Variants in UGT1A4 observed in about 807,000 individuals in gnomAD.
UGT1A4 encodes the protein UDP-glucuronosyltransferase 1A4.
Under a neutral mutation model 41.1 loss-of-function variants are expected in UGT1A4, and 32 were observed. That is an observed-to-expected ratio of 0.78 (90% CI 0.59 to 1.05). The LOEUF is 1.05. Among genes scored for constraint, UGT1A4 ranks in the 50% least tolerant of loss-of-function variants. The probability of loss-of-function intolerance (pLI) is 0.00; values close to 1 mark genes in which losing one functional copy is unlikely to be tolerated. For missense variants in UGT1A4, 748 were observed against 677.4 expected (o/e 1.10, Z -1.16); for synonymous variants, 283 against 265.1 (o/e 1.07, Z -0.66).
Position 233,767,868 on chromosome 2 carries a change from G to A in UGT1A4, c.1019G>A (p.Gly340Glu). 6.2e-7 allele frequency: 1 copy of A among 1,614,124 alleles called. No individual in the cohort carries two copies. The change falls in exon 3 of 5, where the codon GGA (glycine) becomes GAA (glutamate). Residue 340 changes from glycine to glutamate, a missense_variant. Physicochemically the swap from Gly to Glu is moderately conservative, Grantham distance 98 (BLOSUM62 -2). Coordinates refer to ENST00000373409, the MANE Select transcript of UGT1A4 (RefSeq NM_007120.3). ...TCCCAGGTCCTGTGGCGGTACACTG[G>A]AACCCGACCATCGAATCTTGCGAAC... ...IPQTVLWRYTGTRPSNLANNT... is the reference protein window; with the variant it reads ...IPQTVLWRYTETRPSNLANNT...
chr2:233,724,960 GCCGAGGTTGGCGGAT>G (rs567349076), intron 1 of UGT1A4, among the ~76,000 whole-genome samples: 4,803 of 144,840 alleles, frequency 0.033, 234 homozygotes, highest in African/African-American at 0.051. Context: ...ACCTCGGGAG[GCCGAGGTTGGCGGAT>G]CACTCGCGGT....
At chr2:233,747,116 TG>T (rs1693565638) in intron 1 of UGT1A4, 1 of 1,446,720 alleles carries the variant, frequency 6.9e-7, no homozygotes, top group African/African-American at 1.4e-5. Context: ...CATGATGATT[TG>T]CTAAGTGGCT....
At position 233,724,792 on chromosome 2, in the gene UGT1A4, G is replaced by C. The variant is rs992945436; in HGVS notation, c.867+5105G>C. ...CAGAGACACTCCTCACTTCCCAGAC[G>C]GGGTGGCGGCCGGGCAGAGGCTGCA... On this transcript the variant is annotated intron_variant, in intron 1 of 4. Coordinates refer to ENST00000373409, the MANE Select transcript of UGT1A4 (RefSeq NM_007120.3). Among the ~76,000 whole-genome samples, 142 of 140,766 alleles carry C rather than the reference G, an allele frequency of 1.0e-3. 5 individuals are homozygous for C. Among genetic ancestry groups the C allele is most frequent in the African/African-American group, 3.7e-3 (136 of 36,304 alleles). 92.3% of individuals were successfully genotyped at this position (140,766 alleles called of 152,430 possible).
intron 1 of UGT1A4, among the ~76,000 whole-genome samples, chr2:233,745,005 A>G (rs1189988608): frequency 6.6e-6 from 1 of 151,852 alleles, no homozygotes; most frequent in Non-Finnish European, 1.5e-5. Context: ...CTTTTACCTA[A>G]TAAATGTAAA....
chr2:233,735,219 T>G (rs1349774730), intron 1 of UGT1A4, among the ~76,000 whole-genome samples: 1 of 152,194 alleles, frequency 6.6e-6, no homozygotes, highest in Admixed American at 6.5e-5. Flanking sequence ...GCATATATAT[T>G]TAGGATAGTT....
chr2:233,749,380 T>C (rs1225630422), intron 1 of UGT1A4, among the ~76,000 whole-genome samples: 2 of 151,870 alleles, frequency 1.3e-5, no homozygotes, highest in African/African-American at 4.9e-5. Context: ...TTCTTCCAGT[T>C]TTTCAATGTG....
At chr2:233,755,293 G>C in intron 1 of UGT1A4, 7 of 641,420 alleles carry the variant, frequency 1.1e-5, no homozygotes, top group Non-Finnish European at 1.7e-5. Context: ...AGAGCCTGCG[G>C]GGCACTGGCA....
intron 1 of UGT1A4, chr2:233,755,344 A>T (rs1575735285): frequency 1.5e-5 from 6 of 413,752 alleles, no homozygotes; most frequent in Non-Finnish European, 2.1e-5. Context: ...CACAGGTCAG[A>T]GGCTTGGCGA....
chr2:233,760,123 C>T, intron 1 of UGT1A4: 1 of 1,299,838 alleles, frequency 7.7e-7, no homozygotes, highest in East Asian at 2.5e-5. Context: ...AATAAAGCTC[C>T]ACCTTCTTTA....
Position 233,719,268 on chromosome 2 carries a change from T to C in UGT1A4, c.448T>C (p.Leu150=), listed in dbSNP as rs12468274. 0.068 allele frequency: 110,466 copies of C among 1,614,086 alleles called. 5,154 individuals carry two copies. The highest frequency in any genetic ancestry group is 0.18 in the South Asian group (16,164 of 91,066). The part of the protein sequence containing the change: ...HLNATSFDVV[L]TDPVNLCGAV... ...GAATGCTACTTCCTTTGATGTGGTT[T>C]TAACAGACCCCGTTAACCTCTGTGG... Residue 150 remains leucine (L), a synonymous_variant, in exon 1 of 5, where the codon TTA becomes CTA. Coordinates refer to ENST00000373409, the MANE Select transcript of UGT1A4 (RefSeq NM_007120.3).
At chr2:233,754,607 T>G (rs1695531840) in intron 1 of UGT1A4, 1 of 435,160 alleles carries the variant, frequency 2.3e-6, no homozygotes, top group Admixed American at 2.6e-5. Flanking sequence ...AACTCAACTC[T>G]CCATCTTCCT....
chr2:233,729,884 C>T, intron 1 of UGT1A4: 2 of 1,613,892 alleles, frequency 1.2e-6, no homozygotes, highest in Non-Finnish European at 1.7e-6. Context: ...AGTCATGCAT[C>T]TGTGTGGCTG....
At chr2:233,740,771 A>G (rs1027399973) in intron 1 of UGT1A4, 1 of 151,854 alleles carries the variant, frequency 6.6e-6, no homozygotes, top group African/African-American at 2.4e-5. Context: ...AAACCGTTGT[A>G]TAAAAGATGA....
In UGT1A4 at chr2:233,718,752, A is replaced by G. The variant is rs2076680847; in HGVS notation, c.-69A>G. ...AGGTGGCTCAATGACAAGGTAATTAAGGCGAAGGAAACAAATGTAGCAGGC... is the reference window on the plus strand; with the variant it reads ...AGGTGGCTCAATGACAAGGTAATTAGGGCGAAGGAAACAAATGTAGCAGGC... On this transcript the variant is annotated 5_prime_UTR_variant, in exon 1 of 5. Transcript: ENST00000373409. The G allele has an allele frequency of 3.7e-6, 6 of 1,612,234 alleles. No homozygotes were observed. The highest frequency in any genetic ancestry group is 5.1e-6 in the Non-Finnish European group (6 of 1,179,948).
rs552027394 is a variant in UGT1A4, at chr2:233,768,534, G to A, written c.1307+95G>A. On this transcript the variant is annotated intron_variant, in intron 4 of 4. Transcript: ENST00000373409. ...CATTTACGTAGCATTTAATAGCGTT[G>A]TTTCAAATATAAAAACAAATACATA... 263 of 1,375,928 alleles carry A rather than the reference G, an allele frequency of 1.9e-4. 3 individuals carry two copies. In the South Asian group the frequency reaches 4.1e-3, roughly 21 times the overall value. The allele number at this position is 1,375,928 out of a possible 1,614,324, so 85.2% of individuals were successfully genotyped here.
chr2:233,724,213 C>A (rs2077189704), intron 1 of UGT1A4, among the ~76,000 whole-genome samples: 1 of 128,892 alleles, frequency 7.8e-6, no homozygotes, highest in Non-Finnish European at 1.7e-5. Flanking sequence ...CTGAGGGGCT[C>A]CTCACTTCCC....
Position 233,737,223 on chromosome 2 carries a change from T to G in UGT1A4, c.867+17536T>G, listed in dbSNP as rs929456568. ...GCGGTGGACTCTGTTCAGTTCCAGC[T>G]TCCTGGATGCTTTGTTTACCTACTC... On this transcript the variant is annotated intron_variant, in intron 1 of 4. Transcript: ENST00000373409. Among the ~76,000 whole-genome samples, 4 of 152,236 alleles carry G rather than the reference T, an allele frequency of 2.6e-5. No homozygotes were observed. In the East Asian group the frequency reaches 7.7e-4, roughly 29 times the overall value.
At chr2:233,737,210 G>A (rs2078852956) in intron 1 of UGT1A4, among the ~76,000 whole-genome samples, 1 of 152,244 alleles carries the variant, frequency 6.6e-6, no homozygotes, top group South Asian at 2.1e-4. Context: ...GGTGGACTCT[G>A]TTCAGTTCCA....
intron 1 of UGT1A4, chr2:233,756,051 T>C (rs1176679443): frequency 6.6e-6 from 1 of 152,238 alleles, no homozygotes; most frequent in Non-Finnish European, 1.5e-5. Context: ...AAAACTCCAC[T>C]GTACACTTGT....
Sources: gnomAD v4.1 joint callset for allele counts (sites outside exome capture counted in the v4.1 genomes callset) on GRCh38, gnomAD v4.1.1 for gene constraint, MANE v1.5 for transcripts, NCBI Gene and HGNC (gene_info 2026-07-23, HGNC 2026-07-21) for gene names.